MROH1: variants seen among roughly 807,000 people sequenced by gnomAD.
MROH1 encodes the protein maestro heat-like repeat-containing protein family member 1.
In MROH1, 117 loss-of-function variants were observed where a neutral mutation model predicts 116.5. That is an observed-to-expected ratio of 1.00 (90% confidence interval 0.86 to 1.17). MROH1 has a LOEUF of 1.17. Among genes scored for constraint, MROH1 ranks in the 50% most tolerant of loss-of-function variants. The pLI, the probability that MROH1 is intolerant of heterozygous loss-of-function variation, is 0.00. For synonymous variants in MROH1, 921 were observed against 583.9 expected, an observed-to-expected ratio of 1.58 and a Z score of -8.32; for missense variants, 1,873 against 1,338.5, an observed-to-expected ratio of 1.40 and a Z score of -6.23.
chr8:144,160,279 G>A (rs181993309), intron 1 of MROH1, among the ~76,000 whole-genome samples: 31 of 152,240 alleles, frequency 2.0e-4, no homozygotes, highest in African/African-American at 2.9e-4. Context: ...GTTTACTGAG[G>A]TGGAATCCTG....
intron 4 of MROH1, among the ~76,000 whole-genome samples, chr8:144,173,269 AT>A (rs1410773878): frequency 1.2e-4 from 18 of 146,814 alleles, no homozygotes; most frequent in Non-Finnish European, 1.4e-4. Flanking sequence ...CTCCTGGCTA[AT>A]TTTTTTTTTG....
intron 12 of MROH1, among the ~76,000 whole-genome samples, chr8:144,219,493 A>G (rs1836250323): frequency 6.6e-6 from 1 of 151,972 alleles, no homozygotes; most frequent in African/African-American, 2.4e-5. Flanking sequence ...CATACTTCCC[A>G]GTTCTGAGGC....
At position 144,220,585 on chromosome 8, in the gene MROH1, G is replaced by C. The variant is rs1256595366; in HGVS notation, c.1142-15G>C. The C allele has an allele frequency of 1.3e-6, 2 of 1,563,606 alleles. No homozygotes were observed. The highest frequency in any genetic ancestry group is 1.4e-5 in the African/African-American group (1 of 73,776). Reference sequence around the variant, plus strand: ...TCTCAGTGGTAGGCTGAGCTGTCCTGTTTGTTTCTTGCAGCTGCTCAGATG... The same window carrying C: ...TCTCAGTGGTAGGCTGAGCTGTCCTCTTTGTTTCTTGCAGCTGCTCAGATG... On this transcript the variant is annotated splice_polypyrimidine_tract_variant and intron_variant, in intron 12 of 43. Coordinates refer to ENST00000326134, the MANE Select transcript of MROH1 (RefSeq NM_032450.3).
chr8:144,213,288 G>A (rs767052223), intron 12 of MROH1: 49 of 560,802 alleles, frequency 8.7e-5, no homozygotes, highest in Non-Finnish European at 1.4e-4. Context: ...GAGCTCATGG[G>A]AACATGATCT....
intron 12 of MROH1, among the ~76,000 whole-genome samples, chr8:144,208,159 G>T (rs889838849): frequency 2.0e-5 from 3 of 152,068 alleles, no homozygotes; most frequent in Non-Finnish European, 4.4e-5. Context: ...GATCAGGCTG[G>T]TCTCAAACTC....
intron 33 of MROH1, among the ~76,000 whole-genome samples, chr8:144,253,069 G>A (rs937424065): frequency 1.7e-4 from 26 of 150,602 alleles, no homozygotes; most frequent in African/African-American, 6.1e-4. Flanking sequence ...CAGGAGAATC[G>A]CTTGAACCTG....
Position 144,253,840 on chromosome 8 carries a change from TTCTGTCGTTGC to T in MROH1, c.3429-970_3429-960del, listed in dbSNP as rs1349023967. Among the ~76,000 whole-genome samples, 136 of 152,088 alleles carry T rather than the reference TTCTGTCGTTGC, an allele frequency of 8.9e-4. 1 individual carries two copies. Among genetic ancestry groups the T allele is most frequent in the Admixed American group, 2.6e-4 (4 of 15,260 alleles). On this transcript the variant is annotated intron_variant, in intron 33 of 43. Coordinates refer to ENST00000326134, the MANE Select transcript of MROH1 (RefSeq NM_032450.3). The stretch of plus-strand genomic sequence containing the variant: ...GTGACAGCACATCACTGTTTCTGGC[TTCTGTCGTTGC>T]TCCTGAGAGCCAGGTGAAGTCTCCT...
chr8:144,227,257 T>C (rs1837987012), intron 14 of MROH1, among the ~76,000 whole-genome samples: 2 of 152,214 alleles, frequency 1.3e-5, no homozygotes. Context: ...GTGAAGTCTC[T>C]AGCATGCTGC....
Position 144,220,584 on chromosome 8 carries a change from T to C in MROH1, c.1142-16T>C. ...ATCTCAGTGGTAGGCTGAGCTGTCC[T>C]GTTTGTTTCTTGCAGCTGCTCAGAT... On this transcript the variant is annotated splice_polypyrimidine_tract_variant and intron_variant, in intron 12 of 43. Coordinates refer to ENST00000326134, the MANE Select transcript of MROH1 (RefSeq NM_032450.3). 6.4e-6 allele frequency: 10 copies of C among 1,563,156 alleles called. No homozygotes were observed. Among genetic ancestry groups the C allele is most frequent in the Non-Finnish European group, 8.7e-6 (10 of 1,153,586 alleles).
rs2129968457 is a variant in MROH1 at position 144,259,216 on chromosome 8, A to G, written c.3930-24A>G. 1.3e-5 allele frequency: 9 copies of G among 710,942 alleles called. No individual in the cohort carries two copies. The East Asian group carries it at 2.4e-4, about 19-fold the overall frequency. The allele number at this position is 710,942 out of a possible 1,614,324, so 44.0% of individuals were successfully genotyped here. On this transcript the variant is annotated intron_variant, in intron 36 of 43. Transcript: ENST00000326134. The stretch of plus-strand genomic sequence containing the variant: ...GGTTCAGCACAGCAACAGCCCCTGC[A>G]CCCTCAGCGGCCCCCTTTCCCAGGG...
intron 12 of MROH1, 74 bp from the exon 13 acceptor site, chr8:144,220,526 C>T (rs1836484355): frequency 7.3e-7 from 1 of 1,378,588 alleles, no homozygotes; most frequent in Non-Finnish European, 1.0e-6. Context: ...GAAGCCAGGC[C>T]CCTGGTGATG....
intron 12 of MROH1, among the ~76,000 whole-genome samples, chr8:144,209,995 A>T (rs1833742173): frequency 6.6e-6 from 1 of 151,638 alleles, no homozygotes; most frequent in African/African-American, 2.4e-5. Context: ...ACAACATCAG[A>T]TCTACCACCA....
At chr8:144,197,677 C>T (rs1347781805) in intron 10 of MROH1, among the ~76,000 whole-genome samples, 18 of 149,900 alleles carry the variant, frequency 1.2e-4, no homozygotes, top group Non-Finnish European at 1.0e-4. Context: ...CCTTGGGATC[C>T]GCCCACCTCG....
intron 14 of MROH1, among the ~76,000 whole-genome samples, chr8:144,235,687 T>G (rs1214904212): frequency 6.6e-6 from 1 of 151,438 alleles, no homozygotes; most frequent in Non-Finnish European, 1.5e-5. Context: ...TAAATCCCAC[T>G]TGGTCATGGT....
At chr8:144,160,523 T>C (rs1384982621) in intron 1 of MROH1, among the ~76,000 whole-genome samples, 1 of 152,216 alleles carries the variant, frequency 6.6e-6, no homozygotes, top group African/African-American at 2.4e-5. Context: ...CAACACAAAT[T>C]TATTACCATA....
chr8:144,249,882 C>T (rs1265986679), intron 32 of MROH1, among the ~76,000 whole-genome samples: 1 of 152,354 alleles, frequency 6.6e-6, no homozygotes, highest in Admixed American at 6.5e-5. Flanking sequence ...ACCCAGCAGG[C>T]GTGCTGTGAG....
chr8:144,159,106 C>T (rs978912086), intron 1 of MROH1, among the ~76,000 whole-genome samples: 2 of 152,142 alleles, frequency 1.3e-5, no homozygotes, highest in African/African-American at 4.8e-5. Context: ...GCCTGTAATC[C>T]CAGCACTTTG....
intron 13 of MROH1, among the ~76,000 whole-genome samples, chr8:144,222,382 G>A (rs11991350): frequency 0.071 from 10,735 of 152,228 alleles, 1,307 homozygotes; most frequent in African/African-American, 0.24. Context: ...AACTGGAGGA[G>A]AAGAATCCTT....
rs916994049 is a variant in MROH1 at position 144,255,635 on chromosome 8, C to T, written c.3721C>T (p.Arg1241Trp). 1.4e-4 allele frequency: 109 copies of T among 773,658 alleles called. No individual in the cohort carries two copies. The highest frequency in any genetic ancestry group is 5.1e-4 in the Middle Eastern group (2 of 3,924). The allele number at this position is 773,658 out of a possible 1,614,324, so 47.9% of individuals were successfully genotyped here. A position where few individuals can be genotyped will look rare whatever the true frequency, so the allele number is the denominator to read the frequency against. The change falls in exon 35 of 44, where the codon CGG becomes TGG. Residue 1241 changes from arginine (R) to tryptophan (W), a missense_variant. Transcript: ENST00000326134. ...VSCTVGVQLP[R>W]NLQAQERRGA... Reference sequence around the variant, plus strand: ...CTGCACCGTGGGTGTCCAGCTGCCCCGGAACCTGCAGGCCCAGGAAAGGAG... The same window carrying T: ...CTGCACCGTGGGTGTCCAGCTGCCCTGGAACCTGCAGGCCCAGGAAAGGAG...
Sources: allele counts gnomAD v4.1 joint callset (sites outside exome capture counted in the v4.1 genomes callset), GRCh38; gene constraint gnomAD v4.1.1; transcripts MANE v1.5; gene names NCBI Gene and HGNC (gene_info 2026-07-23, HGNC 2026-07-21).